Variants in ERGIC1 observed in about 807,000 individuals in gnomAD.
The protein encoded by ERGIC1 is endoplasmic reticulum-golgi intermediate compartment 1.
A neutral mutation model predicts 38.3 loss-of-function variants in ERGIC1; 19 were observed. The ratio of observed to expected loss-of-function variants is 0.50; its 90% CI spans 0.35 to 0.73. The LOEUF is 0.73. ERGIC1 is among the 30% of genes least tolerant of loss of function. The pLI is 0.01. For missense variants in ERGIC1, 294 were observed against 389.2 expected (o/e 0.76, Z 2.06); for synonymous variants, 124 against 157.6 (o/e 0.79, Z 1.60).
rs1023041512 is a variant in ERGIC1, at chr5:172,943,508, C to T, written c.766-7201C>T. Among the ~76,000 whole-genome samples, 9 of 152,132 alleles carry T rather than the reference C, an allele frequency of 5.9e-5. No homozygotes were observed. The South Asian group carries it at 1.5e-3, about 25-fold the overall frequency. The stretch of plus-strand genomic sequence containing the variant: ...ATTCATTATTTATTTCCTCATGCGG[C>T]GCCTCCTCCACACGCTTTTAAAGCA... On this transcript the variant is annotated intron_variant, in intron 9 of 9. Transcript: ENST00000393784.
At chr5:172,902,908 A>G (rs1025427781) in intron 3 of ERGIC1, among the ~76,000 whole-genome samples, 1 of 152,090 alleles carries the variant, frequency 6.6e-6, no homozygotes, top group Non-Finnish European at 1.5e-5. Flanking sequence ...TTTTGTATAG[A>G]TGTCATCGAA....
intron 9 of ERGIC1, 97 bp downstream of exon 9, chr5:172,935,407 A>G (rs1272659720): frequency 1.3e-6 from 2 of 1,550,116 alleles, no homozygotes; most frequent in African/African-American, 1.4e-5. Flanking sequence ...TCTCGCTGAA[A>G]CAGGAGGCAG....
intron 1 of ERGIC1, among the ~76,000 whole-genome samples, chr5:172,886,539 T>C (rs1762423240): frequency 6.6e-6 from 1 of 152,252 alleles, no homozygotes; most frequent in Non-Finnish European, 1.5e-5. Context: ...TTTTATCTCC[T>C]TGCCTAAGGG....
rs1258893372 is a variant in ERGIC1 at position 172,888,700 on chromosome 5, T to C, written c.22T>C (p.Phe8Leu). ...TCCTGTTCCATTTGCTCTCCACAGGTTTGACATCTACAGGAAGGTGCCCAA... is the reference window on the plus strand; with the variant it reads ...TCCTGTTCCATTTGCTCTCCACAGGCTTGACATCTACAGGAAGGTGCCCAA... MPFDFRR[F>L]DIYRKVPKDL... Residue 8 changes from phenylalanine to leucine, a missense_variant and splice_region_variant, in exon 2 of 10, where the codon TTT becomes CTT. Coordinates refer to ENST00000393784, the MANE Select transcript of ERGIC1 (RefSeq NM_001031711.3). 1 of 1,613,880 alleles carries C rather than the reference T, an allele frequency of 6.2e-7. No individual in the cohort carries two copies. The highest frequency in any genetic ancestry group is 8.5e-7 in the Non-Finnish European group (1 of 1,179,954).
At chr5:172,865,546 C>T (rs1298604372) in intron 1 of ERGIC1, among the ~76,000 whole-genome samples, 1 of 152,188 alleles carries the variant, frequency 6.6e-6, no homozygotes, top group Non-Finnish European at 1.5e-5. Flanking sequence ...CTGATACCCC[C>T]ATGTGGCCAC....
At chr5:172,902,050 C>T (rs956985826) in intron 3 of ERGIC1, among the ~76,000 whole-genome samples, 1 of 152,208 alleles carries the variant, frequency 6.6e-6, no homozygotes. Context: ...GAGTCAAACA[C>T]GGGTCTGTGA....
chr5:172,859,771 C>T (rs1317259444), intron 1 of ERGIC1, among the ~76,000 whole-genome samples: 2 of 152,232 alleles, frequency 1.3e-5, no homozygotes, highest in African/African-American at 2.4e-5. Flanking sequence ...CCCAGCTGTA[C>T]ACAGTGGCCT....
At chr5:172,915,172 G>C (rs1448614794) in intron 5 of ERGIC1, 6 of 640,304 alleles carry the variant, frequency 9.4e-6, no homozygotes, top group Non-Finnish European at 1.7e-5. Flanking sequence ...CAAGTCACTT[G>C]ACCCATCTTA....
At chr5:172,913,659 TC>T (rs1763268311) in intron 4 of ERGIC1, among the ~76,000 whole-genome samples, 1 of 152,174 alleles carries the variant, frequency 6.6e-6, no homozygotes, top group Admixed American at 6.5e-5. Context: ...CCAGGGAAAT[TC>T]CTACATTTCC....
intron 1 of ERGIC1, chr5:172,867,749 C>G (rs770007918): frequency 4.9e-5 from 10 of 204,462 alleles, no homozygotes; most frequent in Non-Finnish European, 9.3e-5. Context: ...CATTTCCCTT[C>G]CCTGCATTCT....
chr5:172,835,154 G>A (rs567691883), intron 1 of ERGIC1, among the ~76,000 whole-genome samples: 1 of 151,862 alleles, frequency 6.6e-6, no homozygotes, highest in South Asian at 2.1e-4. Flanking sequence ...GCCTGCGGGG[G>A]AAGAGATCTC....
chr5:172,838,039 C>T (rs908480664), intron 1 of ERGIC1, among the ~76,000 whole-genome samples: 5 of 152,190 alleles, frequency 3.3e-5, no homozygotes, highest in South Asian at 4.1e-4. Context: ...CCCAAGGCCT[C>T]GGGGGTGCCG....
chr5:172,914,426 C>T (rs1763297112), intron 4 of ERGIC1: 2 of 523,796 alleles, frequency 3.8e-6, no homozygotes, highest in South Asian at 4.2e-5. Context: ...GAAACTGAGG[C>T]ATCCAGAGGT....
At position 172,897,088 on chromosome 5, in the gene ERGIC1, T is replaced by C; in HGVS notation, c.155+14T>C. 6.2e-7 allele frequency: 1 copy of C among 1,612,582 alleles called. No individual in the cohort carries two copies. The highest frequency in any genetic ancestry group is 8.5e-7 in the Non-Finnish European group (1 of 1,178,644). On this transcript the variant is annotated intron_variant, in intron 3 of 9. Transcript: ENST00000393784. ...AACGACAGAAGTGTAAGTCATACTT[T>C]CCCGATGGGGCATTCCAGGATGTTC...
chr5:172,835,502 A>C (rs1158610552), intron 1 of ERGIC1, among the ~76,000 whole-genome samples: 1 of 152,098 alleles, frequency 6.6e-6, no homozygotes, highest in African/African-American at 2.4e-5. Flanking sequence ...CATGATTTAG[A>C]GCTCAGAAAT....
At chr5:172,881,139 C>G (rs958377927) in intron 1 of ERGIC1, among the ~76,000 whole-genome samples, 1 of 151,872 alleles carries the variant, frequency 6.6e-6, no homozygotes, top group Non-Finnish European at 1.5e-5. Flanking sequence ...CCCAGCTACT[C>G]GGGAGGCTGA....
rs1425453195 is a variant in ERGIC1, at chr5:172,837,068, A to G, written c.20+2635A>G. Reference sequence around the variant, plus strand: ...CTTTTAAGAATTGTGGGGAGTGGAGAGGGGTATACCGTGATTAGACCTCCT... The same window carrying G: ...CTTTTAAGAATTGTGGGGAGTGGAGGGGGGTATACCGTGATTAGACCTCCT... On this transcript the variant is annotated intron_variant, in intron 1 of 9. Coordinates refer to ENST00000393784, the MANE Select transcript of ERGIC1 (RefSeq NM_001031711.3). The surrounding 1 kb of genome is among the most constrained non-coding windows in gnomAD (Gnocchi z 4.3). Among the ~76,000 whole-genome samples, 2 of 152,048 alleles carry G rather than the reference A, an allele frequency of 1.3e-5. No homozygotes were observed. Among genetic ancestry groups the G allele is most frequent in the East Asian group, 1.9e-4 (1 of 5,188 alleles).
At chr5:172,941,689 T>G (rs914647269) in intron 9 of ERGIC1, among the ~76,000 whole-genome samples, 1 of 152,202 alleles carries the variant, frequency 6.6e-6, no homozygotes, top group Non-Finnish European at 1.5e-5. Flanking sequence ...GAAGAACTAT[T>G]AGAGCAGGAA....
chr5:172,885,634 C>T (rs1210924706), intron 1 of ERGIC1, among the ~76,000 whole-genome samples: 1 of 152,114 alleles, frequency 6.6e-6, no homozygotes. Context: ...CCAGCAAGGG[C>T]CAGGGATTTT....
Sources: allele counts gnomAD v4.1 joint callset (sites outside exome capture counted in the v4.1 genomes callset), GRCh38; gene constraint gnomAD v4.1.1; non-coding constraint Gnocchi (gnomAD v3.1); transcripts MANE v1.5; gene names NCBI Gene and HGNC (gene_info 2026-07-23, HGNC 2026-07-21).